Variants in DDX19B observed in about 807,000 individuals in gnomAD.
The protein encoded by DDX19B is ATP-dependent RNA helicase DDX19B.
DDX19B carries 27 observed loss-of-function variants against 58.1 expected under a neutral mutation model. That is an observed-to-expected ratio of 0.46 (90% CI 0.34 to 0.64). The LOEUF (loss-of-function observed/expected upper bound fraction) is 0.64, where lower values mean the gene tolerates loss of function less well. Among genes scored for constraint, DDX19B ranks in the 30% least tolerant of loss-of-function variants. The pLI is 0.01. For missense variants in DDX19B, 399 were observed against 596.5 expected (o/e 0.67, Z 3.45); for synonymous variants, 187 against 214.4 (o/e 0.87, Z 1.12).
intron 1 of DDX19B, among the ~76,000 whole-genome samples, chr16:70,306,089 A>C (rs11865863): frequency 0.037 from 5,473 of 148,542 alleles, 348 homozygotes; most frequent in African/African-American, 0.13. Flanking sequence ...TAGTTCTGAG[A>C]GTTTTGACTA....
intron 9 of DDX19B, 77 bp downstream of exon 9, chr16:70,330,145 C>A: frequency 6.5e-7 from 1 of 1,530,666 alleles, no homozygotes; most frequent in African/African-American, 1.4e-5. Context: ...GGACTGGATG[C>A]CCCTGGGTGC....
At chr16:70,313,433 G>C (rs1403314263) in intron 2 of DDX19B, among the ~76,000 whole-genome samples, 1 of 152,194 alleles carries the variant, frequency 6.6e-6, no homozygotes, top group Admixed American at 6.6e-5. Flanking sequence ...TTACAGGAGT[G>C]AGATATTACA....
intron 1 of DDX19B, among the ~76,000 whole-genome samples, chr16:70,311,766 C>T (rs909621489): frequency 6.6e-6 from 1 of 152,180 alleles, no homozygotes; most frequent in African/African-American, 2.4e-5. Flanking sequence ...TGCACATCAG[C>T]ATACTGTGGT....
intron 10 of DDX19B, 107 bp from the exon 11 acceptor site, chr16:70,332,861 T>C: frequency 1.3e-6 from 2 of 1,595,144 alleles, no homozygotes; most frequent in South Asian, 1.1e-5. Context: ...CGTCTCTTAG[T>C]GCCGTGTTCC....
chr16:70,308,409 A>AT (rs1961890257), intron 1 of DDX19B, among the ~76,000 whole-genome samples: 1 of 148,720 alleles, frequency 6.7e-6, no homozygotes, highest in South Asian at 2.1e-4. Context: ...TTTTTTTTAT[A>AT]TTTTTTTAGT....
Position 70,324,640 on chromosome 16 carries a change from G to C in DDX19B, c.445G>C (p.Val149Leu). 1 of 1,613,824 alleles carries C rather than the reference G, an allele frequency of 6.2e-7. No individual in the cohort carries two copies. Among genetic ancestry groups the C allele is most frequent in the Non-Finnish European group, 8.5e-7 (1 of 1,179,954 alleles). The stretch of plus-strand genomic sequence containing the variant: ...TGGTACTGGTAAAACAGCTGCCTTC[G>C]TGCTGGCCATGCTTAGCCAAGTAGA... ...QSGTGKTAAF[V>L]LAMLSQVEPA... The change falls in exon 6 of 12, where the codon GTG becomes CTG. Residue 149 changes from valine (V) to leucine (L), a missense_variant. This residue lies in a region of DDX19B where 67 missense variants were observed against 74.3 expected (regional missense o/e 0.90). Coordinates refer to ENST00000288071, the MANE Select transcript of DDX19B (RefSeq NM_007242.7).
chr16:70,303,553 TTTTG>T lies in DDX19B; in HGVS notation c.57+4215_57+4218del, dbSNP rs879731006. Among the ~76,000 whole-genome samples the T allele has an allele frequency of 1.1e-4, 16 of 152,186 alleles. No individual in the cohort carries two copies. In the East Asian group the frequency reaches 1.2e-3, roughly 11 times the overall value. On this transcript the variant is annotated intron_variant, in intron 1 of 11. Coordinates refer to ENST00000288071, the MANE Select transcript of DDX19B (RefSeq NM_007242.7). ...ACTTTGATTAACCTAATTTATCAATTTTTGTTTGTTTGTTTGTTTTTGAGACGGA... is the reference window on the plus strand; with the variant it reads ...ACTTTGATTAACCTAATTTATCAATTTTTGTTTGTTTGTTTTTGAGACGGA...
chr16:70,327,563 A>AT lies in DDX19B; in HGVS notation c.608-1715dup, dbSNP rs71387516. ...AAAACAAACAAAAAAAAACAAACAA[A>AT]TTTTTTTTTTTTTTGTAAAGACAGT... On this transcript the variant is annotated intron_variant, in intron 7 of 11. Coordinates refer to ENST00000288071, the MANE Select transcript of DDX19B (RefSeq NM_007242.7). Among the ~76,000 whole-genome samples the AT allele has an allele frequency of 6.4e-4, 93 of 146,274 alleles. 1 individual carries two copies. Among genetic ancestry groups the AT allele is most frequent in the Admixed American group, 8.9e-4 (13 of 14,636 alleles).
At chr16:70,300,371 A>G (rs111408241) in intron 1 of DDX19B, among the ~76,000 whole-genome samples, 3,208 of 150,282 alleles carry the variant, frequency 0.021, 100 homozygotes, top group African/African-American at 0.072. Context: ...ATGCCCAACT[A>G]CTTTTTGTAT....
At chr16:70,326,341 G>A (rs145067359) in intron 7 of DDX19B, among the ~76,000 whole-genome samples, 1,882 of 152,200 alleles carry the variant, frequency 0.012, 31 homozygotes, top group African/African-American at 0.043. Flanking sequence ...GCCAGGCGTG[G>A]TGGCGGGCAC....
At chr16:70,290,629 G>A (rs1449539484), upstream of DDX19B, among the ~76,000 whole-genome samples, 1 of 152,218 alleles carries the variant, frequency 6.6e-6, no homozygotes, top group Non-Finnish European at 1.5e-5. Flanking sequence ...AGCCTAGGAA[G>A]TTGAGGCTGC....
chr16:70,331,047 TA>T (rs1319865435), intron 9 of DDX19B, among the ~76,000 whole-genome samples: 1 of 152,110 alleles, frequency 6.6e-6, no homozygotes, highest in Non-Finnish European at 1.5e-5. Context: ...TCAAAAAATT[TA>T]AATTTAAAAT....
chr16:70,316,206 A>G, intron 4 of DDX19B, 102 bp downstream of exon 4: 1 of 1,418,826 alleles, frequency 7.0e-7, no homozygotes, highest in Non-Finnish European at 9.4e-7. Flanking sequence ...GTTTTAGCTA[A>G]CCAAGTTTTT....
intron 3 of DDX19B, chr16:70,315,767 A>G (rs1447761406): frequency 3.2e-6 from 2 of 628,570 alleles, no homozygotes; most frequent in African/African-American, 3.6e-5. Flanking sequence ...TCTGGAAAAG[A>G]ATATGAGGCC....
intron 5 of DDX19B, among the ~76,000 whole-genome samples, chr16:70,323,681 C>T (rs1962977712): frequency 6.6e-6 from 1 of 152,050 alleles, no homozygotes; most frequent in African/African-American, 2.4e-5. Context: ...ACCTCGGCCT[C>T]CCAAAGTTCT....
rs565697881 is a variant in DDX19B at position 70,307,081 on chromosome 16, C to T, written c.58-5528C>T. Among the ~76,000 whole-genome samples the T allele has an allele frequency of 7.2e-5, 11 of 152,268 alleles. No homozygotes were observed. In the East Asian group the frequency reaches 1.5e-3, roughly 21 times the overall value. On this transcript the variant is annotated intron_variant, in intron 1 of 11. Transcript: ENST00000288071. ...TCCTTATTGTTGCCAAATAATATTC[C>T]ATTGTGTGGATATACCACATTTTAT...
rs1450925470 is a variant in DDX19B at position 70,334,918 on chromosome 16, A to G, written c.*1336A>G. On this transcript the variant is annotated 3_prime_UTR_variant, in exon 12 of 12. Coordinates refer to ENST00000288071, the MANE Select transcript of DDX19B (RefSeq NM_007242.7). ...TACTCTGCAGTTCTTTGGCTTTGGT[A>G]TAGAGTGGCCACTTTCTCTAGGACC... The G allele has an allele frequency of 7.2e-5, 11 of 152,256 alleles. No homozygotes were observed. The highest frequency in any genetic ancestry group is 7.2e-4 in the Admixed American group (11 of 15,274). 9.4% of individuals were successfully genotyped at this position (152,256 alleles called of 1,614,324 possible). A position where few individuals can be genotyped will look rare whatever the true frequency, so the allele number is the denominator to read the frequency against.
intron 5 of DDX19B, among the ~76,000 whole-genome samples, chr16:70,322,308 C>T (rs1456215780): frequency 6.6e-6 from 1 of 151,850 alleles, no homozygotes; most frequent in African/African-American, 2.4e-5. Context: ...ACCGGTGTGG[C>T]GGCTGGGCGC....
upstream of DDX19B, among the ~76,000 whole-genome samples, chr16:70,293,893 G>C (rs1401013762): frequency 6.6e-6 from 1 of 151,048 alleles, no homozygotes; most frequent in African/African-American, 2.4e-5. Flanking sequence ...TTACAGGCGT[G>C]AGCCACCGCG....
Sources: allele counts gnomAD v4.1 joint callset (sites outside exome capture counted in the v4.1 genomes callset), GRCh38; gene constraint gnomAD v4.1.1; regional missense constraint gnomAD v4.1.1; transcripts MANE v1.5; gene names NCBI Gene and HGNC (gene_info 2026-07-23, HGNC 2026-07-21).